IL7: variants seen among roughly 807,000 people sequenced by gnomAD.
The protein encoded by IL7 is interleukin-7.
IL7 carries 3 observed loss-of-function variants against 21.6 expected under a neutral mutation model. That is an observed-to-expected ratio of 0.14 (90% CI 0.06 to 0.36). The LOEUF (loss-of-function observed/expected upper bound fraction) is 0.36. IL7 is among the 10% of genes least tolerant of loss of function. IL7 has a pLI of 1.00. For missense variants in IL7, 175 were observed against 200.2 expected (o/e 0.87, Z 0.76); for synonymous variants, 62 against 68.1 (o/e 0.91, Z 0.44).
intron 2 of IL7, among the ~76,000 whole-genome samples, chr8:78,783,124 G>T (rs1031553460): frequency 3.3e-5 from 5 of 152,150 alleles, no homozygotes; most frequent in Non-Finnish European, 5.9e-5. Context: ...TAGCCATAGC[G>T]ATGGTGGCTA....
At position 78,699,501 on chromosome 8, in the gene IL7, G is replaced by A. The variant is rs1392075093; in HGVS notation, n.215-13554C>T. Among the ~76,000 whole-genome samples the A allele has an allele frequency of 2.0e-5, 3 of 152,028 alleles. No individual in the cohort carries two copies. In the East Asian group the frequency reaches 5.8e-4, roughly 29 times the overall value. ...AACTTTTAAGTTCAGGGATACAAGT[G>A]CAGGTTTGTTACATAGGTAAACTTG... On this transcript the variant is annotated intron_variant and non_coding_transcript_variant, in intron 3 of 4. Coordinates refer to the IL7 transcript ENST00000523959.
chr8:78,746,550 G>T (rs1183373382), intron 2 of IL7, among the ~76,000 whole-genome samples: 3 of 152,172 alleles, frequency 2.0e-5, no homozygotes, highest in African/African-American at 7.2e-5. Context: ...GTTGCTTGCA[G>T]TGAGTCACTA....
At chr8:78,788,146 T>G (rs1395894563) in intron 2 of IL7, among the ~76,000 whole-genome samples, 2 of 152,184 alleles carry the variant, frequency 1.3e-5, no homozygotes. Context: ...TTGTTTCTTA[T>G]TTTCGTGGTC....
intron 3 of IL7, among the ~76,000 whole-genome samples, chr8:78,706,173 T>C (rs770430315): frequency 1.3e-5 from 2 of 152,098 alleles, no homozygotes; most frequent in Non-Finnish European, 2.9e-5. Context: ...CCATCCCAGG[T>C]AGGCTCAAAA....
At chr8:78,777,064 C>T (rs550155526) in intron 2 of IL7, among the ~76,000 whole-genome samples, 11 of 152,102 alleles carry the variant, frequency 7.2e-5, no homozygotes, top group Non-Finnish European at 1.3e-4. Context: ...AAGAGAAAAA[C>T]AACTGAAGCA....
chr8:78,681,791 A>T (rs1223567515), intron 4 of IL7, among the ~76,000 whole-genome samples: 1 of 151,988 alleles, frequency 6.6e-6, no homozygotes, highest in Admixed American at 6.6e-5. Flanking sequence ...TGTCATAATT[A>T]TTAAATTTAT....
At position 78,725,968 on chromosome 8, in the gene IL7, G is replaced by GT. The variant is rs202247533; in HGVS notation, n.268-4529dup. On this transcript the variant is annotated intron_variant and non_coding_transcript_variant, in intron 3 of 6. Coordinates refer to the IL7 transcript ENST00000519833. Reference sequence around the variant, plus strand: ...CAGTGAACAAAGCAGTCAAAAATCTGTTTTTTTTTAAGTTCACATCCTAAT... The same window carrying GT: ...CAGTGAACAAAGCAGTCAAAAATCTGTTTTTTTTTTAAGTTCACATCCTAAT... 2.0e-3 allele frequency among the ~76,000 whole-genome samples: 303 copies of GT among 150,740 alleles called. 6 individuals are homozygous for GT. Among genetic ancestry groups the GT allele is most frequent in the Admixed American group, 0.016 (245 of 15,062 alleles).
chr8:78,770,650 T>C (rs536015255), intron 2 of IL7, among the ~76,000 whole-genome samples: 1 of 152,114 alleles, frequency 6.6e-6, no homozygotes, highest in South Asian at 2.1e-4. Flanking sequence ...CTTAATTATA[T>C]ATACATATGC....
chr8:78,743,963 C>G lies in IL7; in HGVS notation c.148-3881G>C, dbSNP rs986617266. ...GGCAGCCTGCCACTTCTTCTAAGAGCTCTGGCCCAGGGAGGTATGAACCTG... is the reference window on the plus strand; with the variant it reads ...GGCAGCCTGCCACTTCTTCTAAGAGGTCTGGCCCAGGGAGGTATGAACCTG... On this transcript the variant is annotated intron_variant, in intron 2 of 5. Transcript: ENST00000263851. Among the ~76,000 whole-genome samples, 3 of 152,224 alleles carry G rather than the reference C, an allele frequency of 2.0e-5. 1 individual carries two copies. Among genetic ancestry groups the G allele is most frequent in the Non-Finnish European group, 4.4e-5 (3 of 68,046 alleles).
rs1023153221 is a variant in IL7 at position 78,802,946 on chromosome 8, C to T, written c.10+1967G>A. Among the ~76,000 whole-genome samples, 6 of 152,060 alleles carry T rather than the reference C, an allele frequency of 3.9e-5. No homozygotes were observed. In the East Asian group the frequency reaches 1.2e-3, roughly 29 times the overall value. ...CCAAACTGTGAAACTGCATCATATG[C>T]TTTTATTTCAGAAAAAGAGACTAAA... On this transcript the variant is annotated intron_variant, in intron 1 of 5. Transcript: ENST00000263851.
downstream of IL7, among the ~76,000 whole-genome samples, chr8:78,728,818 C>A (rs1198894194): frequency 6.6e-6 from 1 of 151,862 alleles, no homozygotes; most frequent in Non-Finnish European, 1.5e-5. Flanking sequence ...GTCACCATCA[C>A]ACACACGAAA....
At chr8:78,756,666 G>C (rs1187487026) in intron 2 of IL7, among the ~76,000 whole-genome samples, 1 of 151,662 alleles carries the variant, frequency 6.6e-6, no homozygotes, top group Non-Finnish European at 1.5e-5. Flanking sequence ...TGTAATGTGT[G>C]CTTTATTTGT....
intron 5 of IL7, 111 bp from the exon 6 acceptor site, chr8:78,733,943 AG>A: frequency 4.2e-6 from 3 of 708,196 alleles, no homozygotes; most frequent in Non-Finnish European, 6.1e-6. Context: ...TGCAATGAAA[AG>A]GTAGAATCCT....
intron 3 of IL7, among the ~76,000 whole-genome samples, chr8:78,696,525 C>T (rs1810420340): frequency 6.6e-6 from 1 of 152,046 alleles, no homozygotes; most frequent in African/African-American, 2.4e-5. Context: ...AGCAGGTGAT[C>T]AGTAAGATAC....
At chr8:78,735,276 C>CTTTTTTTT in intron 5 of IL7, among the ~76,000 whole-genome samples, 23 of 78,452 alleles carry the variant, frequency 2.9e-4, no homozygotes, top group Admixed American at 5.9e-4. Flanking sequence ...CTTTTCTTTT[C>CTTTTTTTT]TTTTTTTTTT....
chr8:78,675,781 T>A (rs1198165069), exon 5 of IL7: 5 of 1,599,768 alleles, frequency 3.1e-6, no homozygotes, highest in Non-Finnish European at 3.4e-6. Flanking sequence ...TTCCTTCCTG[T>A]TTTAGAGAAT....
chr8:78,782,002 A>G (rs946004776), intron 2 of IL7, among the ~76,000 whole-genome samples: 3 of 152,094 alleles, frequency 2.0e-5, no homozygotes, highest in Non-Finnish European at 4.4e-5. Context: ...CACTTGATCT[A>G]TTCAGCTATT....
intron 2 of IL7, among the ~76,000 whole-genome samples, chr8:78,742,868 T>A (rs1038452940): frequency 5.9e-5 from 9 of 152,148 alleles, no homozygotes; most frequent in Admixed American, 1.3e-4. Flanking sequence ...TTTTTGATCC[T>A]CTCCCTCTTC....
At chr8:78,714,436 A>C (rs16906018), downstream of IL7, among the ~76,000 whole-genome samples, 1 of 152,156 alleles carries the variant, frequency 6.6e-6, no homozygotes, top group African/African-American at 2.4e-5. Context: ...AAATGTTTAT[A>C]TGAATTGTAC....
Sources: allele counts gnomAD v4.1 joint callset (sites outside exome capture counted in the v4.1 genomes callset), GRCh38; gene constraint gnomAD v4.1.1; transcripts MANE v1.5; gene names NCBI Gene and HGNC (gene_info 2026-07-23, HGNC 2026-07-21).